The following NEDD9 variants were observed in gnomAD, a reference collection of about 807,000 sequenced individuals.
The protein encoded by NEDD9 is enhancer of filamentation 1.
Under a neutral mutation model 76.6 loss-of-function variants are expected in NEDD9, and 26 were observed. The ratio of observed to expected loss-of-function variants is 0.34; its 90% CI spans 0.25 to 0.47. The LOEUF is 0.47. NEDD9 is among the 20% of genes least tolerant of loss of function. NEDD9 has a pLI of 1.00. For missense variants in NEDD9, 937 were observed against 1,058.5 expected (o/e 0.89, Z 1.59); for synonymous variants, 392 against 414.2 (o/e 0.95, Z 0.65).
At chr6:11,232,382 A>C (rs768717385) in intron 1 of NEDD9, 122 bp downstream of exon 1, 11 of 1,226,048 alleles carry the variant, frequency 9.0e-6, no homozygotes, top group East Asian at 2.4e-5. Flanking sequence ...AGTGACCGAG[A>C]CTCATCTTAG....
rs750557109 is a variant in NEDD9 at position 11,232,631 on chromosome 6, G to A, written c.-116C>T. 3.5e-4 allele frequency: 555 copies of A among 1,585,204 alleles called. 1 individual carries two copies. Among genetic ancestry groups the A allele is most frequent in the Non-Finnish European group, 4.6e-4 (537 of 1,167,258 alleles). ...GATGAAAGCGAGAAGGTCCCGGGCAGAGCCGCTTGTCAGTCGCAGCGCCTC... is the reference window on the plus strand; with the variant it reads ...GATGAAAGCGAGAAGGTCCCGGGCAAAGCCGCTTGTCAGTCGCAGCGCCTC... On this transcript the variant is annotated 5_prime_UTR_variant, in exon 1 of 7. Coordinates refer to ENST00000379446, the MANE Select transcript of NEDD9 (RefSeq NM_006403.4).
chr6:11,359,765 C>T (rs1305490959), intron 1 of NEDD9, among the ~76,000 whole-genome samples: 4 of 152,188 alleles, frequency 2.6e-5, no homozygotes, highest in Non-Finnish European at 5.9e-5. Flanking sequence ...GATTGGTGTC[C>T]AACCTGCGAA....
chr6:11,328,315 C>T (rs1295732909), intron 2 of NEDD9, among the ~76,000 whole-genome samples: 1 of 152,238 alleles, frequency 6.6e-6, no homozygotes, highest in Non-Finnish European at 1.5e-5. Flanking sequence ...CTGAGAAACG[C>T]TGAATACAAG....
At chr6:11,196,663 A>T (rs1215833893) in intron 2 of NEDD9, among the ~76,000 whole-genome samples, 1 of 152,114 alleles carries the variant, frequency 6.6e-6, no homozygotes, top group Non-Finnish European at 1.5e-5. Flanking sequence ...GGTGAAAACC[A>T]CAGGGGGGAA....
At chr6:11,194,729 A>G (rs1758246796) in intron 2 of NEDD9, among the ~76,000 whole-genome samples, 1 of 152,230 alleles carries the variant, frequency 6.6e-6, no homozygotes, top group Non-Finnish European at 1.5e-5. Context: ...CAGAAGTCAA[A>G]TAGCGTTCAT....
intron 1 of NEDD9, among the ~76,000 whole-genome samples, chr6:11,350,324 A>G (rs142619220): frequency 2.3e-4 from 35 of 152,322 alleles, no homozygotes; most frequent in African/African-American, 8.4e-4. Context: ...CCTTTTGGCC[A>G]TGCTCAAGGG....
At chr6:11,316,645 A>C (rs906234223) in intron 2 of NEDD9, among the ~76,000 whole-genome samples, 3 of 152,216 alleles carry the variant, frequency 2.0e-5, no homozygotes, top group Non-Finnish European at 2.9e-5. Context: ...AATAGTCACT[A>C]ATTCATTGAA....
In NEDD9 at chr6:11,355,244, G is replaced by C. The variant is rs142585661; in HGVS notation, c.-213-20683C>G. Among the ~76,000 whole-genome samples, 494 of 152,006 alleles carry C rather than the reference G, an allele frequency of 3.2e-3. 5 individuals are homozygous for C. The highest frequency in any genetic ancestry group is 0.012 in the African/African-American group (482 of 41,442). ...GTATTTCAAAACACATAAAATAAGGGTATTACTCCCTTAAATCCTTCTGGA... is the reference window on the plus strand; with the variant it reads ...GTATTTCAAAACACATAAAATAAGGCTATTACTCCCTTAAATCCTTCTGGA... On this transcript the variant is annotated intron_variant, in intron 1 of 3. Coordinates refer to the NEDD9 transcript ENST00000397378.
intron 1 of NEDD9, among the ~76,000 whole-genome samples, chr6:11,232,262 G>A (rs1051533920): frequency 5.3e-5 from 8 of 152,314 alleles, no homozygotes; most frequent in East Asian, 1.9e-4. Context: ...TCTCACCGAG[G>A]TATTTCCCCG....
chr6:11,346,920 GC>G (rs1164076191), intron 1 of NEDD9, among the ~76,000 whole-genome samples: 1 of 152,148 alleles, frequency 6.6e-6, no homozygotes, highest in East Asian at 1.9e-4. Context: ...TGAAAGGTCA[GC>G]CAGCTTCTCC....
intron 1 of NEDD9, among the ~76,000 whole-genome samples, chr6:11,347,349 T>A (rs560374646): frequency 4.1e-4 from 63 of 152,244 alleles, no homozygotes; most frequent in African/African-American, 1.5e-3. Flanking sequence ...TTCTACCAGA[T>A]GTACAAAGAA....
chr6:11,324,598 C>A (rs1761882262), intron 2 of NEDD9, among the ~76,000 whole-genome samples: 1 of 152,236 alleles, frequency 6.6e-6, no homozygotes, highest in Non-Finnish European at 1.5e-5. Flanking sequence ...TTGTAAGTGA[C>A]TTCTGATGAG....
At chr6:11,237,342 T>C (rs1389211876), upstream of NEDD9, among the ~76,000 whole-genome samples, 1 of 152,148 alleles carries the variant, frequency 6.6e-6, no homozygotes, top group Non-Finnish European at 1.5e-5. This position sits in a 1 kb window ranked among gnomAD's most constrained non-coding sequence, Gnocchi z 4.9. Flanking sequence ...CATCAATGAG[T>C]AAGAAGATAA....
At chr6:11,202,394 T>C (rs1758477554) in intron 2 of NEDD9, among the ~76,000 whole-genome samples, 1 of 152,238 alleles carries the variant, frequency 6.6e-6, no homozygotes, top group Admixed American at 6.5e-5. Context: ...GACTTTATAA[T>C]AACCTCTTTG....
intron 1 of NEDD9, among the ~76,000 whole-genome samples, chr6:11,353,562 C>T (rs1762510376): frequency 6.6e-6 from 1 of 152,162 alleles, no homozygotes; most frequent in Non-Finnish European, 1.5e-5. Flanking sequence ...TGCTGGCCTC[C>T]AGAACTGTAA....
At chr6:11,378,665 A>AT (rs1433614149) in intron 1 of NEDD9, among the ~76,000 whole-genome samples, 1 of 152,110 alleles carries the variant, frequency 6.6e-6, no homozygotes, top group African/African-American at 2.4e-5. Context: ...ATATTTAAAA[A>AT]TTTTTTCAAG....
intron 1 of NEDD9, among the ~76,000 whole-genome samples, chr6:11,377,871 C>T (rs190459897): frequency 9.9e-5 from 15 of 152,246 alleles, no homozygotes; most frequent in East Asian, 1.9e-4. Flanking sequence ...TTGGAGCATG[C>T]GGGTGGATCC....
chr6:11,320,408 A>G (rs1264421854), intron 2 of NEDD9, among the ~76,000 whole-genome samples: 1 of 152,126 alleles, frequency 6.6e-6, no homozygotes, highest in Non-Finnish European at 1.5e-5. Flanking sequence ...AACTTGTTGC[A>G]ATAGGGACTG....
chr6:11,254,828 G>A (rs908827580), intron 3 of NEDD9, among the ~76,000 whole-genome samples: 1 of 152,218 alleles, frequency 6.6e-6, no homozygotes, highest in Non-Finnish European at 1.5e-5. Flanking sequence ...GTCGGAGTGG[G>A]TGGAATGAAA....
Sources: gnomAD v4.1 joint callset for allele counts (sites outside exome capture counted in the v4.1 genomes callset) on GRCh38, gnomAD v4.1.1 for gene constraint, Gnocchi (gnomAD v3.1) non-coding constraint, MANE v1.5 for transcripts, NCBI Gene and HGNC (gene_info 2026-07-23, HGNC 2026-07-21) for gene names.